Variants in PKIA observed in about 807,000 individuals in gnomAD.
PKIA encodes PKI-alpha.
In PKIA, 4 loss-of-function variants were observed where a neutral mutation model predicts 7.6. That is an observed-to-expected ratio of 0.52 (90% CI 0.26 to 1.20). The LOEUF is 1.20. Ranked by LOEUF, PKIA falls within the 50% of genes most tolerant of loss-of-function variation. PKIA has a pLI of 0.13. For missense variants in PKIA, 73 were observed against 86.2 expected, an observed-to-expected ratio of 0.85 and a Z score of 0.61; for synonymous variants, 21 against 30.7, an observed-to-expected ratio of 0.68 and a Z score of 1.04.
intron 1 of PKIA, among the ~76,000 whole-genome samples, chr8:78,542,291 A>C (rs577537212): frequency 3.5e-4 from 54 of 152,124 alleles, no homozygotes; most frequent in Non-Finnish European, 7.3e-4. Flanking sequence ...CTCTCTGTTC[A>C]GGCCACTTCC....
At chr8:78,535,177 A>G (rs1052293548) in intron 1 of PKIA, 1 of 152,154 alleles carries the variant, frequency 6.6e-6, no homozygotes, top group Non-Finnish European at 1.5e-5. Context: ...CAAGTGAAAG[A>G]CTGGAGAATG....
At chr8:78,584,793 C>G (rs1807909846) in intron 2 of PKIA, among the ~76,000 whole-genome samples, 2 of 151,998 alleles carry the variant, frequency 1.3e-5, no homozygotes, top group Admixed American at 6.6e-5. Flanking sequence ...AAATATAAAT[C>G]TCGAGTAGTT....
intron 1 of PKIA, among the ~76,000 whole-genome samples, chr8:78,546,078 C>T (rs1484516070): frequency 6.6e-6 from 1 of 152,186 alleles, no homozygotes; most frequent in Non-Finnish European, 1.5e-5. Flanking sequence ...TATCTTCATA[C>T]AATGAAGGTT....
At chr8:78,590,911 A>G (rs1483711963) in intron 2 of PKIA, among the ~76,000 whole-genome samples, 2 of 152,224 alleles carry the variant, frequency 1.3e-5, no homozygotes, top group Non-Finnish European at 2.9e-5. Flanking sequence ...CTAAACACAC[A>G]GTAAACTACT....
chr8:78,598,196 T>C lies in PKIA; in HGVS notation c.-27-162T>C, dbSNP rs998328691. On this transcript the variant is annotated intron_variant, in intron 2 of 3. Coordinates refer to ENST00000396418, the MANE Select transcript of PKIA (RefSeq NM_006823.4). Reference sequence around the variant, plus strand: ...ATATTTAAATATGTACATTAAAGGTTCCCAGACCTTTGATCTAAATACTTA... The same window carrying C: ...ATATTTAAATATGTACATTAAAGGTCCCCAGACCTTTGATCTAAATACTTA... Among the ~76,000 whole-genome samples, 5 of 151,140 alleles carry C rather than the reference T, an allele frequency of 3.3e-5. No homozygotes were observed. The East Asian group carries it at 7.7e-4, about 23-fold the overall frequency.
chr8:78,585,098 G>T (rs1807916544), intron 2 of PKIA, among the ~76,000 whole-genome samples: 1 of 151,728 alleles, frequency 6.6e-6, no homozygotes, highest in African/African-American at 2.4e-5. Context: ...TGTTTATCTT[G>T]TTACCTTATA....
chr8:78,561,645 T>G (rs979526842), intron 1 of PKIA, among the ~76,000 whole-genome samples: 1 of 152,180 alleles, frequency 6.6e-6, no homozygotes, highest in African/African-American at 2.4e-5. Context: ...TTGTAGTCAG[T>G]AGAGCACAGT....
chr8:78,529,241 T>C (rs975777826), intron 1 of PKIA, among the ~76,000 whole-genome samples: 1 of 152,152 alleles, frequency 6.6e-6, no homozygotes, highest in African/African-American at 2.4e-5. Flanking sequence ...CTACTTCCTT[T>C]TTTTGCAAAT....
At chr8:78,600,837 A>G (rs1245002786) in intron 3 of PKIA, among the ~76,000 whole-genome samples, 1 of 152,064 alleles carries the variant, frequency 6.6e-6, no homozygotes. Context: ...ACTGCCTTAT[A>G]ACATTATGGT....
chr8:78,548,959 A>G (rs1165488366), intron 1 of PKIA, among the ~76,000 whole-genome samples: 1 of 152,096 alleles, frequency 6.6e-6, no homozygotes. Flanking sequence ...TCAGGTGGTT[A>G]CATGAATCTC....
chr8:78,580,414 T>G (rs1239645203), intron 2 of PKIA, among the ~76,000 whole-genome samples: 1 of 152,038 alleles, frequency 6.6e-6, no homozygotes, highest in Non-Finnish European at 1.5e-5. Context: ...TCCTTTCCCT[T>G]CTTAAACAAT....
chr8:78,555,989 TAAG>T (rs1304801586), intron 1 of PKIA, among the ~76,000 whole-genome samples: 1 of 152,084 alleles, frequency 6.6e-6, no homozygotes, highest in Non-Finnish European at 1.5e-5. Context: ...TACTATCAGT[TAAG>T]AATGTTGGCA....
intron 1 of PKIA, among the ~76,000 whole-genome samples, chr8:78,567,382 C>G (rs1270005831): frequency 6.6e-6 from 1 of 152,080 alleles, no homozygotes; most frequent in East Asian, 1.9e-4. Context: ...ATTTCTCATA[C>G]TTTCCTTATT....
At chr8:78,546,442 C>T (rs1455571272) in intron 1 of PKIA, among the ~76,000 whole-genome samples, 1 of 152,070 alleles carries the variant, frequency 6.6e-6, no homozygotes, top group African/African-American at 2.4e-5. Flanking sequence ...TTCTGTAGAG[C>T]TGCATTTATC....
At chr8:78,556,029 A>G (rs1408327507) in intron 1 of PKIA, among the ~76,000 whole-genome samples, 1 of 152,084 alleles carries the variant, frequency 6.6e-6, no homozygotes, top group Admixed American at 6.6e-5. Context: ...ATAAAATATG[A>G]TAGAAAGCAC....
At chr8:78,578,837 A>G (rs963232834) in intron 2 of PKIA, among the ~76,000 whole-genome samples, 2 of 151,994 alleles carry the variant, frequency 1.3e-5, no homozygotes. Context: ...TTGCTTCAAT[A>G]GGCAGATGAC....
At chr8:78,592,024 A>G (rs1249675870) in intron 2 of PKIA, among the ~76,000 whole-genome samples, 2 of 152,172 alleles carry the variant, frequency 1.3e-5, no homozygotes, top group African/African-American at 4.8e-5. Context: ...TTTCAAAGCA[A>G]AAGTACAAGT....
At chr8:78,564,532 T>C (rs1046527691) in intron 1 of PKIA, among the ~76,000 whole-genome samples, 32 of 152,022 alleles carry the variant, frequency 2.1e-4, no homozygotes, top group African/African-American at 7.2e-4. Context: ...ATTTTGGTAA[T>C]GTACTTCATC....
intron 1 of PKIA, among the ~76,000 whole-genome samples, chr8:78,544,338 T>G (rs1234526449): frequency 2.0e-5 from 3 of 152,208 alleles, no homozygotes; most frequent in Non-Finnish European, 4.4e-5. Flanking sequence ...TTGCCTGAAG[T>G]TCTCTTTTTC....
Sources: allele counts gnomAD v4.1 joint callset (sites outside exome capture counted in the v4.1 genomes callset), GRCh38; gene constraint gnomAD v4.1.1; transcripts MANE v1.5; gene names NCBI Gene and HGNC (gene_info 2026-07-23, HGNC 2026-07-21).